Variants in TEX13D observed in about 807,000 individuals in gnomAD.
TEX13D encodes TEX13 family member D.
For synonymous variants in TEX13D, 115 were observed against 104.5 expected (o/e 1.10, Z -0.61); for missense variants, 261 against 265.8 (o/e 0.98, Z 0.12).
Position 124,336,537 on chromosome X carries a change from CAG to C in TEX13D, c.*1477_*1478del, listed in dbSNP as rs1373797149. ...GAACAAAATGGATTTCAAGGACAGACAGACAGACATAAGGGCTGTGGGCTATG... is the reference window on the plus strand; with the variant it reads ...GAACAAAATGGATTTCAAGGACAGACACAGACATAAGGGCTGTGGGCTATG... On this transcript the variant is annotated 3_prime_UTR_variant, in exon 1 of 1. Coordinates refer to ENST00000632372, the MANE Select transcript of TEX13D (RefSeq NM_001355534.2). 8.9e-6 allele frequency: 1 copy of C among 112,268 alleles called. No individual in the cohort carries two copies. The highest frequency in any genetic ancestry group is 2.8e-4 in the East Asian group (1 of 3,572). 9.3% of individuals were successfully genotyped at this position (112,268 alleles called of 1,213,427 possible).
Position 124,333,120 on chromosome X carries a change from C to T in TEX13D, c.203C>T (p.Thr68Ile), listed in dbSNP as rs2059965158. ...CCGCGCGCCATCAAGAGGGCCTGTACCTGGAGCGCTTTGGCTTTGAGCGTG... is the reference window on the plus strand; with the variant it reads ...CCGCGCGCCATCAAGAGGGCCTGTATCTGGAGCGCTTTGGCTTTGAGCGTG... Reference protein sequence around the residue: ...QVPRAIKRACTWSALALSVRV... With the variant: ...QVPRAIKRACIWSALALSVRV... The change falls in exon 1 of 1, where the codon ACC becomes ATC. Residue 68 changes from threonine to isoleucine, a missense_variant. Coordinates refer to ENST00000632372, the MANE Select transcript of TEX13D (RefSeq NM_001355534.2). 2 of 444,637 alleles carry T rather than the reference C, an allele frequency of 4.5e-6. No homozygotes were observed. Among genetic ancestry groups the T allele is most frequent in the Non-Finnish European group, 3.9e-6 (1 of 254,797 alleles). 36.6% of individuals were successfully genotyped at this position (444,637 alleles called of 1,213,427 possible). A position where few individuals can be genotyped will look rare whatever the true frequency, so the allele number is the denominator to read the frequency against.
chrX:124,332,837 G>A lies in TEX13D; in HGVS notation c.-81G>A, dbSNP rs933036440. 2 of 340,971 alleles carry A rather than the reference G, an allele frequency of 5.9e-6. No individual in the cohort carries two copies. Among genetic ancestry groups the A allele is most frequent in the Non-Finnish European group, 1.0e-5 (2 of 198,261 alleles). The allele number at this position is 340,971 out of a possible 1,213,427, so 28.1% of individuals were successfully genotyped here. A position where few individuals can be genotyped will look rare whatever the true frequency, so the allele number is the denominator to read the frequency against. ...GGAGGTGAGGGGTGGACTGGTTGTC[G>A]GCAGCAGCCGGTACCGGAAGTGGCG... On this transcript the variant is annotated 5_prime_UTR_variant, in exon 1 of 1. Transcript: ENST00000632372.
In TEX13D at chrX:124,333,448, C is replaced by T. The variant is rs1430367456; in HGVS notation, c.531C>T (p.Pro177=). The change falls in exon 1 of 1, where the codon CCC becomes CCT. Residue 177 remains proline (P), a synonymous_variant. Transcript: ENST00000632372. ...AGCAGAATGGGGCTGCGGCATGTCC[C>T]CTGGCTACAGAGCAGCAGAGCGATA... ...QAEQNGAAAC[P]LATEQQSDMV... 9.3e-6 allele frequency: 3 copies of T among 321,102 alleles called. No homozygotes were observed. Among genetic ancestry groups the T allele is most frequent in the Non-Finnish European group, 1.1e-5 (2 of 186,939 alleles). The allele number at this position is 321,102 out of a possible 1,213,427, so 26.5% of individuals were successfully genotyped here.
rs921682383 is a variant in TEX13D at position 124,332,836 on chromosome X, C to T, written c.-82C>T. The T allele has an allele frequency of 2.3e-5, 8 of 342,472 alleles. No homozygotes were observed. The highest frequency in any genetic ancestry group is 1.9e-4 in the East Asian group (4 of 21,550). 28.2% of individuals were successfully genotyped at this position (342,472 alleles called of 1,213,427 possible). ...GGGAGGTGAGGGGTGGACTGGTTGT[C>T]GGCAGCAGCCGGTACCGGAAGTGGC... is the stretch of plus-strand genomic sequence containing the variant. On this transcript the variant is annotated 5_prime_UTR_variant, in exon 1 of 1. Transcript: ENST00000632372.
At position 124,333,528 on chromosome X, in the gene TEX13D, T is replaced by C. The variant is rs189139404; in HGVS notation, c.611T>C (p.Leu204Pro). The change falls in exon 1 of 1, where the codon CTT becomes CCT. Residue 204 changes from leucine to proline, a missense_variant. Transcript: ENST00000632372. ...NAQMPTPTDV[L>P]YVPGPLSPWA... ...CAGATGCCAACCCCGACAGATGTTC[T>C]TTATGTGCCAGGACCTCTGAGTCCC... 20 of 299,004 alleles carry C rather than the reference T, an allele frequency of 6.7e-5. No individual in the cohort carries two copies. The highest frequency in any genetic ancestry group is 1.2e-4 in the Non-Finnish European group (20 of 172,322). The allele number at this position is 299,004 out of a possible 1,213,427, so 24.6% of individuals were successfully genotyped here. A position where few individuals can be genotyped will look rare whatever the true frequency, so the allele number is the denominator to read the frequency against.
Position 124,333,157 on chromosome X carries a change from G to A in TEX13D, c.240G>A (p.Thr80=). Residue 80 remains threonine (T), a synonymous_variant, in exon 1 of 1, where the codon ACG becomes ACA. Transcript: ENST00000632372. The part of the protein sequence containing the change: ...SALALSVRVA[T]RQREELLHHV... ...TGGCTTTGAGCGTGCGAGTGGCCAC[G>A]AGGCAGCGGGAGGAGCTGCTGCACC... The A allele has an allele frequency of 2.2e-6, 1 of 448,844 alleles. No individual in the cohort carries two copies. The highest frequency in any genetic ancestry group is 3.9e-6 in the Non-Finnish European group (1 of 257,872). 37.0% of individuals were successfully genotyped at this position (448,844 alleles called of 1,213,427 possible).
rs765642533 is a variant in TEX13D at position 124,335,254 on chromosome X, C to A, written c.*192C>A. ...TTAAAAGTTGTTTTGGATACACATA[C>A]ATACAAATATATATGCATTTATATT... On this transcript the variant is annotated 3_prime_UTR_variant, in exon 1 of 1. Transcript: ENST00000632372. 125 of 276,815 alleles carry A rather than the reference C, an allele frequency of 4.5e-4. No homozygotes were observed. The highest frequency in any genetic ancestry group is 2.9e-3 in the Middle Eastern group (3 of 1,033). The allele number at this position is 276,815 out of a possible 1,213,427, so 22.8% of individuals were successfully genotyped here.
rs2059967284 is a variant in TEX13D, at chrX:124,333,857, G to A, written c.940G>A (p.Glu314Lys). The change falls in exon 1 of 1, where the codon GAA (glutamate) becomes AAA (lysine). Residue 314 changes from glutamate to lysine, a missense_variant. Coordinates refer to ENST00000632372, the MANE Select transcript of TEX13D (RefSeq NM_001355534.2). The part of the protein sequence containing the change: ...LGDSRSHSQG[E>K]GSERSQRMPL... ...AGACAGCAGAAGCCACAGCCAGGGA[G>A]AAGGTTCAGAGAGGTCCCAAAGAAT... The A allele has an allele frequency of 3.3e-6, 1 of 303,332 alleles. No individual in the cohort carries two copies. The highest frequency in any genetic ancestry group is 2.0e-4 in the South Asian group (1 of 4,904). 25.0% of individuals were successfully genotyped at this position (303,332 alleles called of 1,213,427 possible). A position where few individuals can be genotyped will look rare whatever the true frequency, so the allele number is the denominator to read the frequency against.
Position 124,334,123 on chromosome X carries a change from GA to G in TEX13D, c.1207del (p.Thr403ArgfsTer258). The G allele has an allele frequency of 3.2e-6, 3 of 935,939 alleles. No individual in the cohort carries two copies. The highest frequency in any genetic ancestry group is 4.0e-6 in the Non-Finnish European group (3 of 755,220). 77.1% of individuals were successfully genotyped at this position (935,939 alleles called of 1,213,427 possible). A position where few individuals can be genotyped will look rare whatever the true frequency, so the allele number is the denominator to read the frequency against. On this transcript the variant is annotated frameshift_variant, in exon 1 of 1. Coordinates refer to ENST00000632372, the MANE Select transcript of TEX13D (RefSeq NM_001355534.2). LOFTEE classifies it low-confidence loss of function (END_TRUNC). ...CAGAAGGTCCAGAGGGGCCCCAGGG[GA>G]CGGTCCCCCAGGGAGACAGCAGAAG... ...KSEGPEGPQG[T>X]VPQGDSRSYS...
chrX:124,334,330 C>G lies in TEX13D; in HGVS notation c.1413C>G (p.Asn471Lys). Residue 471 changes from asparagine to lysine, a missense_variant, in exon 1 of 1, where the codon AAC becomes AAG. Asn to Lys is a moderately conservative substitution (Grantham distance 94, BLOSUM62 0). Transcript: ENST00000632372. The stretch of plus-strand genomic sequence containing the variant: ...AGAGGATTGTCCTCCAGGGAGACAA[C>G]AGGAGCTATAGCCAGGAAGGAAGCC... The part of the protein sequence containing the change: ...GPQRIVLQGD[N>K]RSYSQEGSPE... 2.4e-6 allele frequency: 1 copy of G among 420,201 alleles called. No homozygotes were observed. The allele number at this position is 420,201 out of a possible 1,213,427, so 34.6% of individuals were successfully genotyped here.
chrX:124,334,262 G>T lies in TEX13D; in HGVS notation c.1345G>T (p.Asp449Tyr). Residue 449 changes from aspartate (D) to tyrosine (Y), a missense_variant, in exon 1 of 1, where the codon GAC becomes TAC. By Grantham distance (160) the Asp-to-Tyr change is radical. Coordinates refer to ENST00000632372, the MANE Select transcript of TEX13D (RefSeq NM_001355534.2). Reference protein sequence around the residue: ...KRPQWTVPLGDSRSHIKEEGP... With the variant: ...KRPQWTVPLGYSRSHIKEEGP... The stretch of plus-strand genomic sequence containing the variant: ...GCCCCAGTGGACTGTCCCCCTGGGG[G>T]ACAGCAGAAGTCATATCAAGGAAGA... 1.1e-6 allele frequency: 1 copy of T among 933,284 alleles called. No homozygotes were observed. Among genetic ancestry groups the T allele is most frequent in the South Asian group, 6.0e-5 (1 of 16,720 alleles). 76.9% of individuals were successfully genotyped at this position (933,284 alleles called of 1,213,427 possible). A position where few individuals can be genotyped will look rare whatever the true frequency, so the allele number is the denominator to read the frequency against.
In TEX13D at chrX:124,334,651, C is replaced by A. The variant is rs2059969747; in HGVS notation, c.1734C>A (p.Ile578=). The A allele has an allele frequency of 1.2e-6, 1 of 856,089 alleles. No individual in the cohort carries two copies. Among genetic ancestry groups the A allele is most frequent in the African/African-American group, 2.7e-5 (1 of 37,219 alleles). 70.6% of individuals were successfully genotyped at this position (856,089 alleles called of 1,213,427 possible). Reference sequence around the variant, plus strand: ...CCCTGGGGGACAGCAGAAGTCATATCAAGGAAGAAGGCCCAGAGGGGCCCC... The same window carrying A: ...CCCTGGGGGACAGCAGAAGTCATATAAAGGAAGAAGGCCCAGAGGGGCCCC... ...DTPLGDSRSH[I]KEEGPEGPQR... Residue 578 remains isoleucine (I), a synonymous_variant, in exon 1 of 1, where the codon ATC becomes ATA. Coordinates refer to ENST00000632372, the MANE Select transcript of TEX13D (RefSeq NM_001355534.2).
Position 124,333,042 on chromosome X carries a change from C to G in TEX13D, c.125C>G (p.Pro42Arg), listed in dbSNP as rs916166498. Residue 42 changes from proline to arginine, a missense_variant, in exon 1 of 1, where the codon CCG becomes CGG. Transcript: ENST00000632372. ...PAFYVAFRSR[P>R]WNEVEDSLQA... ...TTTTACGTGGCCTTCCGCTCGCGGC[C>G]GTGGAACGAGGTAGAGGACAGCCTT... is the stretch of plus-strand genomic sequence containing the variant. 4 of 487,063 alleles carry G rather than the reference C, an allele frequency of 8.2e-6. No individual in the cohort carries two copies. The Admixed American group carries it at 8.8e-5, about 11-fold the overall frequency. 40.1% of individuals were successfully genotyped at this position (487,063 alleles called of 1,213,427 possible).
In TEX13D at chrX:124,333,320, G is replaced by T; in HGVS notation, c.403G>T (p.Ala135Ser). The T allele has an allele frequency of 4.9e-6, 2 of 411,951 alleles. No individual in the cohort carries two copies. The highest frequency in any genetic ancestry group is 8.3e-5 in the South Asian group (2 of 24,105). 33.9% of individuals were successfully genotyped at this position (411,951 alleles called of 1,213,427 possible). Residue 135 changes from alanine to serine, a missense_variant, in exon 1 of 1, where the codon GCG (alanine) becomes TCG (serine). Transcript: ENST00000632372. Reference protein sequence around the residue: ...LHLAQAALQQALNERDGLYGR... With the variant: ...LHLAQAALQQSLNERDGLYGR... ...CCTCGCGCAGGCTGCCCTGCAGCAG[G>T]CGCTGAATGAGCGTGATGGGCTGTA...
In TEX13D at chrX:124,335,920, G is replaced by A. The variant is rs971220409; in HGVS notation, c.*858G>A. The A allele has an allele frequency of 1.3e-4, 15 of 112,151 alleles. No homozygotes were observed. The highest frequency in any genetic ancestry group is 4.9e-4 in the African/African-American group (15 of 30,808). The allele number at this position is 112,151 out of a possible 1,213,427, so 9.2% of individuals were successfully genotyped here. A position where few individuals can be genotyped will look rare whatever the true frequency, so the allele number is the denominator to read the frequency against. On this transcript the variant is annotated 3_prime_UTR_variant, in exon 1 of 1. Transcript: ENST00000632372. Reference sequence around the variant, plus strand: ...AGGAATTAACTTGGAAGAGTTTGGGGGGTTGTGTTCAATTCTGTAGATGGT... The same window carrying A: ...AGGAATTAACTTGGAAGAGTTTGGGAGGTTGTGTTCAATTCTGTAGATGGT...
rs1182141259 is a variant in TEX13D, at chrX:124,334,968, C to T, written c.2051C>T (p.Pro684Leu). Residue 684 changes from proline (P) to leucine (L), a missense_variant, in exon 1 of 1, where the codon CCA becomes CTA. Transcript: ENST00000632372. ...CCAGTTCCAGTGAATTGGAAATGCC[C>T]ATGGTGTAAAGCCATTAATTTTTCA... ...SFPVPVNWKC[P>L]WCKAINFSWR... 15 of 938,521 alleles carry T rather than the reference C, an allele frequency of 1.6e-5. No individual in the cohort carries two copies. The highest frequency in any genetic ancestry group is 1.9e-5 in the Non-Finnish European group (14 of 756,319). The allele number at this position is 938,521 out of a possible 1,213,427, so 77.3% of individuals were successfully genotyped here.
rs1341260584 is a variant in TEX13D at position 124,335,621 on chromosome X, T to C, written c.*559T>C. 1.8e-5 allele frequency: 2 copies of C among 112,690 alleles called. No individual in the cohort carries two copies. Among genetic ancestry groups the C allele is most frequent in the Non-Finnish European group, 3.7e-5 (2 of 53,394 alleles). 9.3% of individuals were successfully genotyped at this position (112,690 alleles called of 1,213,427 possible). A position where few individuals can be genotyped will look rare whatever the true frequency, so the allele number is the denominator to read the frequency against. ...ATTATTCCTTTTGAAACTACTGCAATCTTCATGTTTTCTTCATTTTGCTTT... is the reference window on the plus strand; with the variant it reads ...ATTATTCCTTTTGAAACTACTGCAACCTTCATGTTTTCTTCATTTTGCTTT... On this transcript the variant is annotated 3_prime_UTR_variant, in exon 1 of 1. Transcript: ENST00000632372.
In TEX13D at chrX:124,333,646, A is replaced by C. The variant is rs1174070799; in HGVS notation, c.729A>C (p.Leu243=). The change falls in exon 1 of 1, where the codon CTA becomes CTC. Residue 243 remains leucine, a synonymous_variant. Transcript: ENST00000632372. ...FPMKFPSLPP[L]PPAVVTGAEA... ...TGAAATTCCCATCCTTGCCACCTCTACCACCTGCTGTAGTCACGGGGGCAG... is the reference window on the plus strand; with the variant it reads ...TGAAATTCCCATCCTTGCCACCTCTCCCACCTGCTGTAGTCACGGGGGCAG... 1.4e-5 allele frequency: 4 copies of C among 295,302 alleles called. No individual in the cohort carries two copies. Among genetic ancestry groups the C allele is most frequent in the African/African-American group, 1.1e-4 (4 of 36,012 alleles). 24.3% of individuals were successfully genotyped at this position (295,302 alleles called of 1,213,427 possible).
rs1603235407 is a variant in TEX13D, at chrX:124,332,974, G to A, written c.57G>A (p.Arg19=). 2.3e-6 allele frequency: 1 copy of A among 433,651 alleles called. No homozygotes were observed. Among genetic ancestry groups the A allele is most frequent in the East Asian group, 4.1e-5 (1 of 24,499 alleles). 35.7% of individuals were successfully genotyped at this position (433,651 alleles called of 1,213,427 possible). ...ASGFRHNDVI[R]FINNEVLMDG... ...GCTTCCGCCACAATGATGTGATCAG[G>A]TTCATTAACAATGAAGTCCTCATGG... The change falls in exon 1 of 1, where the codon AGG becomes AGA. Residue 19 remains arginine, a synonymous_variant. Coordinates refer to ENST00000632372, the MANE Select transcript of TEX13D (RefSeq NM_001355534.2).
Sources: allele counts gnomAD v4.1 joint callset, GRCh38; gene constraint gnomAD v4.1.1; transcripts MANE v1.5; gene names NCBI Gene and HGNC (gene_info 2026-07-23, HGNC 2026-07-21).